Variants in PRELID2 observed in about 807,000 individuals in gnomAD.
PRELID2 encodes the protein PRELI domain-containing protein 2.
A neutral mutation model predicts 28.4 loss-of-function variants in PRELID2; 25 were observed. The ratio of observed to expected loss-of-function variants is 0.88; its 90% confidence interval spans 0.64 to 1.23. The LOEUF is 1.23. PRELID2 is among the 50% of genes most tolerant of loss of function. The pLI is 0.00. For synonymous variants in PRELID2, 76 were observed against 71.6 expected (o/e 1.06, Z -0.31); for missense variants, 201 against 214.4 (o/e 0.94, Z 0.39).
chr5:145,608,681 T>C (rs1034173649), intron 1 of PRELID2, among the ~76,000 whole-genome samples: 2 of 152,176 alleles, frequency 1.3e-5, no homozygotes, highest in African/African-American at 4.8e-5. Context: ...ATTTTTTCTT[T>C]CATTTCAACC....
chr5:145,396,046 T>C, the PRELID2 span, among the ~76,000 whole-genome samples: 1 of 152,156 alleles, frequency 6.6e-6, no homozygotes, highest in African/African-American at 2.4e-5. Flanking sequence ...GCAGAAATGA[T>C]TCTGGAAAAC....
At chr5:145,239,152 G>A in the PRELID2 span, among the ~76,000 whole-genome samples, 90 of 152,122 alleles carry the variant, frequency 5.9e-4, no homozygotes, top group East Asian at 0.014. Flanking sequence ...CTTCTAATCC[G>A]AACTGTAATT....
chr5:145,497,620 G>A (rs956648551), intron 1 of PRELID2, among the ~76,000 whole-genome samples: 5 of 152,138 alleles, frequency 3.3e-5, no homozygotes, highest in African/African-American at 1.2e-4. Context: ...CAAGTAAGTG[G>A]AAATTTCTAA....
downstream of PRELID2, among the ~76,000 whole-genome samples, chr5:145,751,669 A>G (rs903006483): frequency 6.6e-6 from 1 of 152,228 alleles, no homozygotes; most frequent in African/African-American, 2.4e-5. Context: ...AAGCTTTGAG[A>G]AAAATTAATG....
the PRELID2 span, among the ~76,000 whole-genome samples, chr5:145,317,961 A>G: frequency 1.3e-5 from 2 of 152,204 alleles, no homozygotes; most frequent in East Asian, 3.8e-4. Context: ...ATAGCAGCTA[A>G]CATTTGCTGA....
At chr5:145,630,154 A>T (rs76650286) in intron 1 of PRELID2, among the ~76,000 whole-genome samples, 2,549 of 152,174 alleles carry the variant, frequency 0.017, 28 homozygotes, top group Non-Finnish European at 0.027. Context: ...GGATGGATGG[A>T]TGGATGGATG....
At chr5:145,595,100 C>G (rs1018109790) in intron 1 of PRELID2, among the ~76,000 whole-genome samples, 8 of 149,726 alleles carry the variant, frequency 5.3e-5, no homozygotes, top group Non-Finnish European at 8.9e-5. Flanking sequence ...TGCACTCCAG[C>G]CTGGGCGACA....
intron 1 of PRELID2, among the ~76,000 whole-genome samples, chr5:145,653,948 C>T (rs1018350868): frequency 1.3e-5 from 2 of 151,934 alleles, no homozygotes; most frequent in Non-Finnish European, 2.9e-5. Flanking sequence ...CAAAAAATCA[C>T]TGAATCCAGG....
chr5:145,321,833 C>T, the PRELID2 span, among the ~76,000 whole-genome samples: 1 of 152,172 alleles, frequency 6.6e-6, no homozygotes, highest in African/African-American at 2.4e-5. Flanking sequence ...AATTAAAACA[C>T]TAAAATGTAA....
the PRELID2 span, among the ~76,000 whole-genome samples, chr5:145,403,199 T>C: frequency 6.6e-6 from 1 of 152,136 alleles, no homozygotes; most frequent in Non-Finnish European, 1.5e-5. Context: ...TCCAATCTCC[T>C]TTTTCTGATT....
intron 1 of PRELID2, among the ~76,000 whole-genome samples, chr5:145,554,106 T>C (rs1361622149): frequency 6.6e-6 from 1 of 152,138 alleles, no homozygotes. Flanking sequence ...TAGAAGCTGT[T>C]GGAAAAATGA....
chr5:145,232,997 G>A, the PRELID2 span, among the ~76,000 whole-genome samples: 388 of 150,548 alleles, frequency 2.6e-3, no homozygotes, highest in Non-Finnish European at 4.6e-3. Context: ...GTGTGTGTGT[G>A]GAGATATATA....
In PRELID2 at chr5:145,516,484, G is replaced by A. The variant is rs116095128; in HGVS notation, n.71-43169C>T. On this transcript the variant is annotated intron_variant and non_coding_transcript_variant, in intron 1 of 2. Transcript: ENST00000510259. ...TACAAACCACTGCTCAAGGTAATAA[G>A]AGAGGATAAAAACAAATGGAGAAAC... is the stretch of plus-strand genomic sequence containing the variant. Among the ~76,000 whole-genome samples the A allele has an allele frequency of 6.2e-3, 940 of 152,252 alleles. 6 individuals are homozygous for A. Among genetic ancestry groups the A allele is most frequent in the Middle Eastern group, 0.017 (5 of 294 alleles).
intron 1 of PRELID2, among the ~76,000 whole-genome samples, chr5:145,504,825 C>G (rs1359275092): frequency 6.6e-6 from 1 of 152,110 alleles, no homozygotes; most frequent in Non-Finnish European, 1.5e-5. Flanking sequence ...ATATTGTTAC[C>G]TAGTAGGTCC....
chr5:145,735,043 G>A (rs866977945), intron 1 of PRELID2, among the ~76,000 whole-genome samples: 1 of 151,880 alleles, frequency 6.6e-6, no homozygotes, highest in South Asian at 2.1e-4. Context: ...TCAGGAATTC[G>A]AGACCAGCCT....
At chr5:145,315,096 G>T in the PRELID2 span, among the ~76,000 whole-genome samples, 1 of 127,376 alleles carries the variant, frequency 7.9e-6, no homozygotes. Flanking sequence ...TGGAGATGGA[G>T]TCTGGCTCTG....
intron 1 of PRELID2, among the ~76,000 whole-genome samples, chr5:145,640,558 G>GGTGTGAACCCGGGAGGC (rs1754086354): frequency 6.6e-6 from 1 of 150,540 alleles, no homozygotes; most frequent in Non-Finnish European, 1.5e-5. Flanking sequence ...GCAGGAGAAT[G>GGTGTGAACCCGGGAGGC]GTGTGAACCC....
chr5:145,689,297 T>TA (rs112706537), intron 1 of PRELID2, among the ~76,000 whole-genome samples: 3,152 of 150,754 alleles, frequency 0.021, 100 homozygotes, highest in African/African-American at 0.071. Context: ...CTTAGAGTGT[T>TA]AAAAAAAAGA....
intron 1 of PRELID2, among the ~76,000 whole-genome samples, chr5:145,643,102 T>G (rs1754136339): frequency 6.6e-6 from 1 of 152,228 alleles, no homozygotes; most frequent in Non-Finnish European, 1.5e-5. Flanking sequence ...TAAATTACTT[T>G]GGGCAGTATG....
Sources: allele counts gnomAD v4.1 joint callset (sites outside exome capture counted in the v4.1 genomes callset), GRCh38; gene constraint gnomAD v4.1.1; transcripts MANE v1.5; gene names NCBI Gene and HGNC (gene_info 2026-07-23, HGNC 2026-07-21).